The following EYA3 variants were observed in gnomAD, a reference collection of about 807,000 sequenced individuals.
EYA3 encodes protein phosphatase EYA3.
A neutral mutation model predicts 80.0 loss-of-function variants in EYA3; 39 were observed. The observed-to-expected ratio is 0.49, with a 90% CI of 0.38 to 0.64. The LOEUF is 0.64. EYA3 is among the 30% of genes least tolerant of loss of function. The pLI is 0.00. For missense variants in EYA3, 523 were observed against 676.1 expected, an observed-to-expected ratio of 0.77 and a Z score of 2.51; for synonymous variants, 206 against 232.8, an observed-to-expected ratio of 0.88 and a Z score of 1.05.
intron 2 of EYA3, among the ~76,000 whole-genome samples, chr1:28,050,187 A>ATTTTTTTTTTTT (rs1557617106): frequency 7.8e-6 from 1 of 127,938 alleles, no homozygotes. Context: ...TATTATTATT[A>ATTTTTTTTTTTT]TTATTATTAT....
At chr1:28,020,667 CGTGTGTGT>C (rs56017264) in intron 7 of EYA3, among the ~76,000 whole-genome samples, 6,872 of 134,470 alleles carry the variant, frequency 0.051, 209 homozygotes, top group African/African-American at 0.1. Context: ...TACAGATCAT[CGTGTGTGT>C]GTGTGTGTGT....
intron 14 of EYA3, among the ~76,000 whole-genome samples, chr1:27,992,294 G>A (rs570355483): frequency 5.3e-5 from 8 of 152,284 alleles, no homozygotes; most frequent in Admixed American, 3.9e-4. Context: ...GTTTCGAGAT[G>A]AAATTGTTCC....
chr1:27,990,618 A>G (rs548568503), intron 14 of EYA3: 21 of 149,704 alleles, frequency 1.4e-4, no homozygotes, highest in African/African-American at 4.9e-4. Flanking sequence ...TAGTGGTGCA[A>G]TCTCAGCTTA....
intron 17 of EYA3, chr1:27,976,908 G>A (rs1638957600): frequency 2.3e-6 from 1 of 431,346 alleles, no homozygotes; most frequent in African/African-American, 2.2e-5. Context: ...AGTAGAGACG[G>A]GATTTCACCA....
chr1:28,075,318 G>A (rs952401023), intron 1 of EYA3, among the ~76,000 whole-genome samples: 3 of 152,036 alleles, frequency 2.0e-5, no homozygotes, highest in African/African-American at 7.2e-5. Flanking sequence ...CCTATTATTC[G>A]ATCTAACTAT....
chr1:28,074,574 G>A (rs1186968656), intron 1 of EYA3, among the ~76,000 whole-genome samples: 1 of 151,148 alleles, frequency 6.6e-6, no homozygotes. Flanking sequence ...GAGTGCAGTG[G>A]CAATTGTCCC....
intron 8 of EYA3, among the ~76,000 whole-genome samples, chr1:28,015,219 T>C (rs771348807): frequency 8.5e-5 from 13 of 152,206 alleles, no homozygotes; most frequent in Non-Finnish European, 1.5e-4. Context: ...CTGAGATTAA[T>C]AGGCAGAGAA....
intron 9 of EYA3, among the ~76,000 whole-genome samples, chr1:28,012,708 A>C (rs1239974329): frequency 2.0e-5 from 3 of 152,220 alleles, no homozygotes. Context: ...CTTTCCTCAG[A>C]ATCTTAAAGG....
intron 16 of EYA3, among the ~76,000 whole-genome samples, chr1:27,986,279 C>T (rs373451084): frequency 4.0e-5 from 6 of 151,858 alleles, no homozygotes; most frequent in African/African-American, 1.2e-4. Context: ...GCAAGAGAAT[C>T]GCTTGAACCT....
chr1:28,050,930 G>A (rs911868713), intron 2 of EYA3, among the ~76,000 whole-genome samples: 1 of 152,190 alleles, frequency 6.6e-6, no homozygotes, highest in African/African-American at 2.4e-5. Flanking sequence ...ACAATTTTCT[G>A]GAGAGTTTAC....
intron 5 of EYA3, 120 bp from the exon 6 acceptor site, chr1:28,035,800 TA>T: frequency 2.1e-6 from 2 of 958,624 alleles, no homozygotes; most frequent in Non-Finnish European, 3.1e-6. Context: ...ATCTTCCACA[TA>T]AAATGGCTCT....
chr1:28,042,507 T>A (rs1643840311), intron 4 of EYA3, 64 bp downstream of exon 4: 1 of 1,437,582 alleles, frequency 7.0e-7, no homozygotes, highest in African/African-American at 1.4e-5. Flanking sequence ...AAACCAACTC[T>A]ATAAGAAAAG....
At chr1:28,081,177 G>A (rs1000249637) in intron 1 of EYA3, among the ~76,000 whole-genome samples, 1 of 152,140 alleles carries the variant, frequency 6.6e-6, no homozygotes, top group Non-Finnish European at 1.5e-5. Context: ...GGTACCTACA[G>A]TAAATAAATA....
intron 8 of EYA3, 98 bp downstream of exon 8, chr1:28,017,056 T>C (rs115098150): frequency 6.4e-4 from 651 of 1,023,980 alleles, no homozygotes; most frequent in Non-Finnish European, 9.1e-4. Context: ...CCCATACTAT[T>C]CCTGGTTGTT....
At chr1:28,057,403 C>A (rs532765869) in intron 2 of EYA3, among the ~76,000 whole-genome samples, 122 of 152,162 alleles carry the variant, frequency 8.0e-4, no homozygotes, top group African/African-American at 2.8e-3. Context: ...GGAAAAGACC[C>A]TCTAGCATAA....
intron 10 of EYA3, among the ~76,000 whole-genome samples, chr1:28,010,226 C>T (rs1331132522): frequency 1.3e-5 from 2 of 152,124 alleles, no homozygotes. Flanking sequence ...TTTTAGCACT[C>T]TGCATGACCT....
intron 1 of EYA3, among the ~76,000 whole-genome samples, chr1:28,062,985 G>A (rs1644689058): frequency 6.8e-6 from 1 of 146,682 alleles, no homozygotes; most frequent in Non-Finnish European, 1.5e-5. Flanking sequence ...CTGGGCGACA[G>A]GAAACTGACT....
chr1:28,059,790 G>A (rs545743281), intron 1 of EYA3, among the ~76,000 whole-genome samples: 6 of 146,032 alleles, frequency 4.1e-5, no homozygotes, highest in Non-Finnish European at 8.9e-5. Context: ...GCGCAATCTC[G>A]GCTAACTGCA....
At chr1:28,063,110 A>T (rs879579130) in intron 1 of EYA3, among the ~76,000 whole-genome samples, 2 of 151,910 alleles carry the variant, frequency 1.3e-5, no homozygotes, top group Non-Finnish European at 2.9e-5. Flanking sequence ...TGTCTAAGTA[A>T]GGCAAAGTCT....
Sources: allele counts gnomAD v4.1 joint callset (sites outside exome capture counted in the v4.1 genomes callset), GRCh38; gene constraint gnomAD v4.1.1; transcripts MANE v1.5; gene names NCBI Gene and HGNC (gene_info 2026-07-23, HGNC 2026-07-21).